PRDM12: variants seen among roughly 807,000 people sequenced by gnomAD.
PRDM12 encodes PR/SET domain 12, also known as PR domain zinc finger protein 12.
Under a neutral mutation model 29.6 loss-of-function variants are expected in PRDM12, and 17 were observed. The observed-to-expected ratio is 0.57, with a 90% confidence interval of 0.39 to 0.86. The LOEUF (loss-of-function observed/expected upper bound fraction) is 0.86. Among genes scored for constraint, PRDM12 ranks in the 40% least tolerant of loss-of-function variants. PRDM12 has a pLI of 0.00. For synonymous variants in PRDM12, 231 were observed against 225.8 expected (o/e 1.02, Z -0.21); for missense variants, 422 against 510.8 (o/e 0.83, Z 1.68).
Position 130,681,652 on chromosome 9 carries a change from C to G in PRDM12, c.1087C>G (p.Pro363Ala). The G allele has an allele frequency of 1.0e-6, 1 of 979,588 alleles. No homozygotes were observed. Among genetic ancestry groups the G allele is most frequent in the Non-Finnish European group, 1.2e-6 (1 of 827,232 alleles). 60.7% of individuals were successfully genotyped at this position (979,588 alleles called of 1,614,324 possible). ...CGCCGCCGCCGCCGCGCACCACCTGCCGGCCATGGTGCTGTGAGCGCGCCC... is the reference window on the plus strand; with the variant it reads ...CGCCGCCGCCGCCGCGCACCACCTGGCGGCCATGGTGCTGTGAGCGCGCCC... ...AAAAAAAHHL[P>A]AMVL is the part of the protein sequence containing the mutation. The change falls in exon 5 of 5, where the codon CCG becomes GCG. Residue 363 changes from proline (P) to alanine (A), a missense_variant. Around this residue, in one of 5 missense-constraint regions of PRDM12, gnomAD observed 66 missense variants for 61.5 expected, o/e 1.07. Transcript: ENST00000253008. The surrounding 1 kb of genome is among the most constrained non-coding windows in gnomAD (Gnocchi z 8.1).
chr9:130,668,117 A>C lies in PRDM12; in HGVS notation c.415-41A>C, dbSNP rs919769556. 3 of 1,609,988 alleles carry C rather than the reference A, an allele frequency of 1.9e-6. No homozygotes were observed. The South Asian group carries it at 3.3e-5, about 18-fold the overall frequency. ...GTGCCTGGAAGATGGTACACATGGCATAGCCCTGCCTTACCTGGTCCTTGA... is the reference window on the plus strand; with the variant it reads ...GTGCCTGGAAGATGGTACACATGGCCTAGCCCTGCCTTACCTGGTCCTTGA... On this transcript the variant is annotated intron_variant, in intron 2 of 4. Coordinates refer to ENST00000253008, the MANE Select transcript of PRDM12 (RefSeq NM_021619.3). The surrounding 1 kb of genome is among the most constrained non-coding windows in gnomAD (Gnocchi z 4.0).
chr9:130,665,203 C>T (rs1830720414), intron 1 of PRDM12, among the ~76,000 whole-genome samples: 1 of 152,066 alleles, frequency 6.6e-6, no homozygotes, highest in South Asian at 2.1e-4. Context: ...CGTGTAATAG[C>T]AGTTGACTCA....
chr9:130,666,745 G>C lies in PRDM12; in HGVS notation c.361G>C (p.Val121Leu), dbSNP rs973568367. 1.2e-6 allele frequency: 2 copies of C among 1,612,752 alleles called. No individual in the cohort carries two copies. Among genetic ancestry groups the C allele is most frequent in the African/African-American group, 2.7e-5 (2 of 74,882 alleles). Residue 121 changes from valine (V) to leucine (L), a missense_variant, in exon 2 of 5, where the codon GTG becomes CTG. By Grantham distance (32) the Val-to-Leu change is conservative (BLOSUM62 1). This residue lies in a region of PRDM12 where 300 missense variants were observed against 350.0 expected (regional missense o/e 0.86). Transcript: ENST00000253008. The part of the protein sequence containing the change: ...GTEMGPFTGR[V>L]IAPEHVDICK... ...CGAGATGGGCCCCTTCACCGGCCGCGTGATCGCCCCGGAGCACGTGGACAT... is the reference window on the plus strand; with the variant it reads ...CGAGATGGGCCCCTTCACCGGCCGCCTGATCGCCCCGGAGCACGTGGACAT...
intron 3 of PRDM12, among the ~76,000 whole-genome samples, chr9:130,677,080 C>A (rs557658720): frequency 6.6e-6 from 1 of 152,172 alleles, no homozygotes; most frequent in African/African-American, 2.4e-5. Flanking sequence ...TGCGCCACCG[C>A]GCCTGGCTAA....
Position 130,668,036 on chromosome 9 carries a change from T to C in PRDM12, c.415-122T>C. On this transcript the variant is annotated intron_variant, in intron 2 of 4. Transcript: ENST00000253008. The surrounding 1 kb of genome is among the most constrained non-coding windows in gnomAD (Gnocchi z 4.0). ...AGCCTTCCTTTCTTCAGTGGGAAAATGAAGCTTTATCCACTTCCTGGGGCT... is the reference window on the plus strand; with the variant it reads ...AGCCTTCCTTTCTTCAGTGGGAAAACGAAGCTTTATCCACTTCCTGGGGCT... 1 of 1,280,788 alleles carries C rather than the reference T, an allele frequency of 7.8e-7. No individual in the cohort carries two copies. Among genetic ancestry groups the C allele is most frequent in the Non-Finnish European group, 1.1e-6 (1 of 927,044 alleles). 79.3% of individuals were successfully genotyped at this position (1,280,788 alleles called of 1,614,324 possible).
chr9:130,677,117 GT>G (rs1830850094), intron 3 of PRDM12, among the ~76,000 whole-genome samples: 1 of 152,146 alleles, frequency 6.6e-6, no homozygotes, highest in Non-Finnish European at 1.5e-5. Context: ...TAGAGACAGG[GT>G]TTTGCTATGT....
chr9:130,682,557 G>T lies in PRDM12; in HGVS notation c.*888G>T, dbSNP rs1299258065. 3.9e-5 allele frequency: 6 copies of T among 152,228 alleles called. No homozygotes were observed. The highest frequency in any genetic ancestry group is 3.3e-4 in the Admixed American group (5 of 15,282). 9.4% of individuals were successfully genotyped at this position (152,228 alleles called of 1,614,324 possible). A position where few individuals can be genotyped will look rare whatever the true frequency, so the allele number is the denominator to read the frequency against. ...CAACACACACACTCCAGCGAGAGGA[G>T]GGCAAGACTGGAACCGCTGCCCGAG... On this transcript the variant is annotated 3_prime_UTR_variant, in exon 5 of 5. Coordinates refer to ENST00000253008, the MANE Select transcript of PRDM12 (RefSeq NM_021619.3). The surrounding 1 kb of genome is among the most constrained non-coding windows in gnomAD (Gnocchi z 4.2).
At chr9:130,680,634 A>AAATATATATATATATAT (rs1469778040) in intron 4 of PRDM12, among the ~76,000 whole-genome samples, 7 of 88,496 alleles carry the variant, frequency 7.9e-5, no homozygotes, top group Non-Finnish European at 9.6e-5. Flanking sequence ...AAAAAAAAAA[A>AAATATATATATATATAT]ATATATATAT....
At position 130,664,914 on chromosome 9, in the gene PRDM12, C is replaced by T. The variant is rs773144142; in HGVS notation, c.223+38C>T. On this transcript the variant is annotated intron_variant, in intron 1 of 4. Transcript: ENST00000253008. This position sits in a 1 kb window ranked among gnomAD's most constrained non-coding sequence, Gnocchi z 6.4. ...GTCGGAGCCCGGCGCAATCCCTCCT[C>T]CCGGCGACCCCCATTCCCGTCCTGG... 6.7e-7 allele frequency: 1 copy of T among 1,483,452 alleles called. No homozygotes were observed. 91.9% of individuals were successfully genotyped at this position (1,483,452 alleles called of 1,614,324 possible).
At chr9:130,670,471 A>AG (rs1215989821) in intron 3 of PRDM12, among the ~76,000 whole-genome samples, 4 of 151,922 alleles carry the variant, frequency 2.6e-5, no homozygotes, top group Non-Finnish European at 5.9e-5. Context: ...ATAAGAAAAA[A>AG]CTGAGCGGTT....
At chr9:130,677,450 T>A (rs1326528331) in intron 3 of PRDM12, among the ~76,000 whole-genome samples, 1 of 151,786 alleles carries the variant, frequency 6.6e-6, no homozygotes, top group Non-Finnish European at 1.5e-5. Flanking sequence ...CCATGCGATC[T>A]TTTGTGCTTC....
intron 4 of PRDM12, among the ~76,000 whole-genome samples, chr9:130,679,225 G>A (rs937144130): frequency 3.9e-5 from 6 of 152,152 alleles, no homozygotes; most frequent in East Asian, 1.9e-4. Flanking sequence ...CCATTTGCTC[G>A]ACAACTATTT....
chr9:130,664,691 T>C lies in PRDM12; in HGVS notation c.38T>C (p.Leu13Pro). 3.1e-6 allele frequency: 5 copies of C among 1,604,884 alleles called. No individual in the cohort carries two copies. The highest frequency in any genetic ancestry group is 3.4e-6 in the Non-Finnish European group (4 of 1,177,818). ...GSVLPAEALVLKTGLKAPGLA... is the reference protein window; with the variant it reads ...GSVLPAEALVPKTGLKAPGLA... Reference sequence around the variant, plus strand: ...GTGCTCCCGGCTGAGGCCCTGGTGCTCAAGACCGGGCTGAAGGCGCCGGGA... The same window carrying C: ...GTGCTCCCGGCTGAGGCCCTGGTGCCCAAGACCGGGCTGAAGGCGCCGGGA... The change falls in exon 1 of 5, where the codon CTC becomes CCC. Residue 13 changes from leucine to proline, a missense_variant. Leu to Pro is a moderately conservative substitution (Grantham distance 98, BLOSUM62 -3). Coordinates refer to ENST00000253008, the MANE Select transcript of PRDM12 (RefSeq NM_021619.3). This position sits in a 1 kb window ranked among gnomAD's most constrained non-coding sequence, Gnocchi z 6.4.
At chr9:130,666,993 C>G (rs895704266) in intron 2 of PRDM12, among the ~76,000 whole-genome samples, 195 bp downstream of exon 2, 39 of 152,348 alleles carry the variant, frequency 2.6e-4, no homozygotes, top group Non-Finnish European at 1.5e-4. Flanking sequence ...CCTCCCAACC[C>G]GTGCCGAAAA....
intron 3 of PRDM12, among the ~76,000 whole-genome samples, chr9:130,673,055 T>C (rs1260794026): frequency 6.6e-6 from 1 of 152,158 alleles, no homozygotes. Flanking sequence ...CTCAGTTCCT[T>C]TGGGAATTGC....
rs377718851 is a variant in PRDM12, at chr9:130,676,413, G to A, written c.571-2116G>A. ...CAGGAGGCTGAGGCAGGAGAATGGCGTGAACCCAGGAGGTGGAGCTTGCAG... is the reference window on the plus strand; with the variant it reads ...CAGGAGGCTGAGGCAGGAGAATGGCATGAACCCAGGAGGTGGAGCTTGCAG... On this transcript the variant is annotated intron_variant, in intron 3 of 4. Coordinates refer to ENST00000253008, the MANE Select transcript of PRDM12 (RefSeq NM_021619.3). Among the ~76,000 whole-genome samples the A allele has an allele frequency of 1.4e-3, 208 of 152,166 alleles. 2 individuals carry two copies. Among genetic ancestry groups the A allele is most frequent in the African/African-American group, 4.6e-3 (192 of 41,520 alleles).
chr9:130,666,934 G>T (rs1830739422), intron 2 of PRDM12, 136 bp downstream of exon 2: 1 of 1,231,810 alleles, frequency 8.1e-7, no homozygotes, highest in African/African-American at 1.6e-5. Context: ...CGCCCCCTGA[G>T]CCGGGACTCT....
In PRDM12 at chr9:130,681,776, G is replaced by A; in HGVS notation, c.*107G>A. 1.1e-6 allele frequency: 1 copy of A among 929,944 alleles called. No individual in the cohort carries two copies. The highest frequency in any genetic ancestry group is 1.3e-6 in the Non-Finnish European group (1 of 779,744). The allele number at this position is 929,944 out of a possible 1,614,324, so 57.6% of individuals were successfully genotyped here. Reference sequence around the variant, plus strand: ...CCAACCCCCGGCCCGGCGCCGCCGCGGAGCCCCGCGCGCTGGGGTTGCGCC... The same window carrying A: ...CCAACCCCCGGCCCGGCGCCGCCGCAGAGCCCCGCGCGCTGGGGTTGCGCC... On this transcript the variant is annotated 3_prime_UTR_variant, in exon 5 of 5. Transcript: ENST00000253008. This position sits in a 1 kb window ranked among gnomAD's most constrained non-coding sequence, Gnocchi z 8.1.
chr9:130,668,690 G>A lies in PRDM12; in HGVS notation c.570+377G>A, dbSNP rs1015925863. On this transcript the variant is annotated intron_variant, in intron 3 of 4. Transcript: ENST00000253008. This position sits in a 1 kb window ranked among gnomAD's most constrained non-coding sequence, Gnocchi z 4.0. The stretch of plus-strand genomic sequence containing the variant: ...AGAGGCGGCCCAGGGAATGCGTTGG[G>A]GTGGGAGAGAGGGCGTGTGTCTGCA... Among the ~76,000 whole-genome samples, 2 of 152,124 alleles carry A rather than the reference G, an allele frequency of 1.3e-5. No homozygotes were observed. Among genetic ancestry groups the A allele is most frequent in the African/African-American group, 4.8e-5 (2 of 41,420 alleles).
Sources: gnomAD v4.1 joint callset for allele counts (sites outside exome capture counted in the v4.1 genomes callset) on GRCh38, gnomAD v4.1.1 for gene constraint, gnomAD v4.1.1 regional missense constraint, Gnocchi (gnomAD v3.1) non-coding constraint, MANE v1.5 for transcripts, NCBI Gene and HGNC (gene_info 2026-07-23, HGNC 2026-07-21) for gene names.